ARRB1: variants seen among roughly 807,000 people sequenced by gnomAD.
The protein encoded by ARRB1 is beta-arrestin-1.
Under a neutral mutation model 56.8 loss-of-function variants are expected in ARRB1, and 21 were observed. The ratio of observed to expected loss-of-function variants is 0.37; its 90% CI spans 0.26 to 0.53. The LOEUF is 0.53. Among genes scored for constraint, ARRB1 ranks in the 20% least tolerant of loss-of-function variants. The pLI is 0.88. For synonymous variants in ARRB1, 210 were observed against 218.6 expected (o/e 0.96, Z 0.35); for missense variants, 424 against 553.7 (o/e 0.77, Z 2.35).
chr11:75,281,137 G>A lies in ARRB1; in HGVS notation c.420C>T (p.Cys140=), dbSNP rs145394042. ...QPGPEDTGKA[C]GVDYEVKAFC... The stretch of plus-strand genomic sequence containing the variant: ...AGGCTTTGACTTCATAGTCCACACC[G>A]CAAGCCTGTGGGGAAGGGGTCACTG... The change falls in exon 7 of 16, where the codon TGC becomes TGT. Residue 140 remains cysteine (C), a synonymous_variant. Coordinates refer to ENST00000420843, the MANE Select transcript of ARRB1 (RefSeq NM_004041.5). 1,911 of 1,595,190 alleles carry A rather than the reference G, an allele frequency of 1.2e-3. 7 individuals carry two copies. The highest frequency in any genetic ancestry group is 4.2e-3 in the South Asian group (369 of 87,808).
chr11:75,307,688 G>A (rs1027677609), intron 1 of ARRB1, among the ~76,000 whole-genome samples: 1 of 152,214 alleles, frequency 6.6e-6, no homozygotes, highest in Non-Finnish European at 1.5e-5. Flanking sequence ...CTCTGGAGCA[G>A]AACTGACAGG....
At chr11:75,324,890 C>A (rs563395967) in intron 1 of ARRB1, among the ~76,000 whole-genome samples, 81 of 152,250 alleles carry the variant, frequency 5.3e-4, no homozygotes, top group African/African-American at 1.9e-3. Context: ...CCACCCCTGT[C>A]CCTGGGAGAA....
intron 1 of ARRB1, among the ~76,000 whole-genome samples, chr11:75,310,521 C>G (rs1239092314): frequency 6.6e-6 from 1 of 152,160 alleles, no homozygotes; most frequent in Non-Finnish European, 1.5e-5. Flanking sequence ...TCTGTGTATC[C>G]AACCGGCACC....
intron 1 of ARRB1, among the ~76,000 whole-genome samples, chr11:75,331,578 T>C (rs985985650): frequency 6.6e-6 from 1 of 151,778 alleles, no homozygotes; most frequent in African/African-American, 2.4e-5. Context: ...GCTCCCCCGC[T>C]GAACACCTTG....
At chr11:75,328,812 G>A (rs1282883912) in intron 1 of ARRB1, among the ~76,000 whole-genome samples, 1 of 152,216 alleles carries the variant, frequency 6.6e-6, no homozygotes, top group Admixed American at 6.5e-5. Flanking sequence ...GTATAGACAG[G>A]AGTGCCCTGC....
At chr11:75,286,583 G>A (rs979340672) in intron 3 of ARRB1, among the ~76,000 whole-genome samples, 4 of 151,988 alleles carry the variant, frequency 2.6e-5, no homozygotes, top group African/African-American at 9.7e-5. Context: ...TTTTTAGTTG[G>A]CCTAACTGGA....
At chr11:75,271,524 G>A in intron 13 of ARRB1, 177 bp downstream of exon 13, 1 of 618,112 alleles carries the variant, frequency 1.6e-6, no homozygotes, top group Non-Finnish European at 2.7e-6. Context: ...GGATGGAAGA[G>A]CAAGGTGAGG....
intron 1 of ARRB1, among the ~76,000 whole-genome samples, chr11:75,337,695 T>C (rs1947627555): frequency 6.6e-6 from 1 of 151,636 alleles, no homozygotes; most frequent in East Asian, 1.9e-4. Flanking sequence ...AAGAGGCCAT[T>C]CACTCTACCT....
At chr11:75,300,960 T>G (rs1260553559) in intron 1 of ARRB1, among the ~76,000 whole-genome samples, 1 of 108,726 alleles carries the variant, frequency 9.2e-6, no homozygotes, top group African/African-American at 4.5e-5. Context: ...AGAGCGAGAC[T>G]CCGTCTCAAA....
chr11:75,272,811 C>G, intron 12 of ARRB1, 84 bp downstream of exon 12: 1 of 1,379,800 alleles, frequency 7.2e-7, no homozygotes, highest in Non-Finnish European at 1.0e-6. Context: ...GGGCTGCAAA[C>G]AGGCAGAATG....
intron 1 of ARRB1, among the ~76,000 whole-genome samples, chr11:75,318,535 C>T (rs185480449): frequency 6.6e-5 from 10 of 152,214 alleles, no homozygotes; most frequent in Admixed American, 5.9e-4. Flanking sequence ...ACTAAAAATA[C>T]AAAAATTAGC....
chr11:75,300,410 G>T (rs1049422838), intron 1 of ARRB1, among the ~76,000 whole-genome samples: 1 of 152,084 alleles, frequency 6.6e-6, no homozygotes, highest in East Asian at 1.9e-4. Context: ...TTTGCCTAGG[G>T]TCACACAGCA....
intron 1 of ARRB1, among the ~76,000 whole-genome samples, chr11:75,342,413 A>G (rs1219037893): frequency 6.6e-6 from 1 of 152,216 alleles, no homozygotes; most frequent in African/African-American, 2.4e-5. Flanking sequence ...TGCAGTGCCC[A>G]GAATTCTGTC....
intron 1 of ARRB1, among the ~76,000 whole-genome samples, chr11:75,294,322 C>A (rs754046040): frequency 1.4e-4 from 21 of 151,956 alleles, no homozygotes; most frequent in Non-Finnish European, 2.6e-4. Flanking sequence ...TAATCCCAGC[C>A]GAGGTGGGAG....
chr11:75,301,142 CAAA>C (rs1358825736), intron 1 of ARRB1, among the ~76,000 whole-genome samples: 3 of 78,598 alleles, frequency 3.8e-5, no homozygotes, highest in African/African-American at 4.9e-5. Context: ...GACTCCATCT[CAAA>C]AAAAAAAAAA....
chr11:75,279,501 G>C (rs1946280810), intron 7 of ARRB1, among the ~76,000 whole-genome samples: 1 of 152,130 alleles, frequency 6.6e-6, no homozygotes, highest in Non-Finnish European at 1.5e-5. Flanking sequence ...CCGTTGCTCA[G>C]ATAAGCTGCC....
chr11:75,347,138 G>GC, intron 1 of ARRB1, among the ~76,000 whole-genome samples: 1 of 152,266 alleles, frequency 6.6e-6, no homozygotes, highest in East Asian at 1.9e-4. Flanking sequence ...CCAACGGGAG[G>GC]CGTCAGCCTC....
At chr11:75,332,850 G>A (rs1204221834) in intron 1 of ARRB1, among the ~76,000 whole-genome samples, 3 of 151,902 alleles carry the variant, frequency 2.0e-5, no homozygotes, top group East Asian at 1.9e-4. Flanking sequence ...AGCTGAGATC[G>A]CGCCACTGCA....
intron 14 of ARRB1, 102 bp from the exon 15 acceptor site, chr11:75,267,805 G>A: frequency 1.0e-6 from 1 of 974,382 alleles, no homozygotes; most frequent in Non-Finnish European, 1.6e-6. Context: ...AGACTAACAT[G>A]AGAAGGGCAA....
Sources: gnomAD v4.1 joint callset for allele counts (sites outside exome capture counted in the v4.1 genomes callset) on GRCh38, gnomAD v4.1.1 for gene constraint, MANE v1.5 for transcripts, NCBI Gene and HGNC (gene_info 2026-07-23, HGNC 2026-07-21) for gene names.